Variants in FDFT1 observed in about 807,000 individuals in gnomAD.
FDFT1 encodes the protein squalene synthase.
Under a neutral mutation model 46.8 loss-of-function variants are expected in FDFT1, and 68 were observed. The observed-to-expected ratio is 1.45, with a 90% CI of 1.19 to 1.78. The LOEUF (loss-of-function observed/expected upper bound fraction) is 1.78. Among genes scored for constraint, FDFT1 ranks in the 40% most tolerant of loss-of-function variants. The probability of loss-of-function intolerance (pLI) is 0.00; values close to 1 mark genes in which losing one functional copy is unlikely to be tolerated. For missense variants in FDFT1, 928 were observed against 524.4 expected (o/e 1.77, Z -7.52); for synonymous variants, 351 against 185.1 (o/e 1.90, Z -7.28).
At chr8:11,825,958 A>T in intron 4 of FDFT1, 66 bp from the exon 5 acceptor site, 2 of 1,114,580 alleles carry the variant, frequency 1.8e-6, no homozygotes, top group East Asian at 5.2e-5. Context: ...GTAGCTAATG[A>T]TCTCTAGTGT....
intron 3 of FDFT1, among the ~76,000 whole-genome samples, chr8:11,819,082 T>G (rs773197713): frequency 3.9e-5 from 6 of 152,198 alleles, no homozygotes; most frequent in African/African-American, 7.2e-5. Context: ...TGCTTGTCTG[T>G]AAAGGATTTT....
chr8:11,799,400 CT>C (rs1297239663), upstream of FDFT1, among the ~76,000 whole-genome samples: 1 of 152,232 alleles, frequency 6.6e-6, no homozygotes, highest in Non-Finnish European at 1.5e-5. Flanking sequence ...AAGAAGAGCC[CT>C]GTGGCAGTTA....
upstream of FDFT1, among the ~76,000 whole-genome samples, chr8:11,799,641 G>A (rs565740944): frequency 6.6e-6 from 1 of 152,322 alleles, no homozygotes; most frequent in South Asian, 2.1e-4. Flanking sequence ...TTTTTCCCTG[G>A]TGCTGGAAAG....
At chr8:11,821,965 C>T in intron 4 of FDFT1, 87 bp downstream of exon 4, 1 of 1,496,278 alleles carries the variant, frequency 6.7e-7, no homozygotes, top group Non-Finnish European at 9.2e-7. Context: ...GAAAAGTTGT[C>T]CAGTATTTTC....
chr8:11,835,736 T>A (rs1276421991), intron 7 of FDFT1, among the ~76,000 whole-genome samples: 2 of 152,258 alleles, frequency 1.3e-5, no homozygotes, highest in East Asian at 1.9e-4. Flanking sequence ...AGCCACAGAA[T>A]TAACCCAGGA....
chr8:11,834,956 T>C (rs913704206), intron 7 of FDFT1, among the ~76,000 whole-genome samples: 2 of 152,156 alleles, frequency 1.3e-5, no homozygotes, highest in Non-Finnish European at 2.9e-5. Context: ...AAACCCTGTC[T>C]CTACTAAAAA....
chr8:11,811,347 C>G (rs1224906591), intron 3 of FDFT1, among the ~76,000 whole-genome samples: 2 of 152,194 alleles, frequency 1.3e-5, no homozygotes, highest in African/African-American at 2.4e-5. Flanking sequence ...ATTATTCTAG[C>G]TGGACCTAGC....
chr8:11,799,414 G>A (rs996928816), upstream of FDFT1, among the ~76,000 whole-genome samples: 1 of 152,232 alleles, frequency 6.6e-6, no homozygotes, highest in African/African-American at 2.4e-5. Context: ...GGCAGTTAGA[G>A]CTTAGTTGAT....
At chr8:11,808,244 G>T (rs1382107602) in intron 1 of FDFT1, 2 of 1,201,180 alleles carry the variant, frequency 1.7e-6, no homozygotes, top group Admixed American at 8.8e-5. Flanking sequence ...TTGGTCTAGG[G>T]AGACTCTGTC....
intron 5 of FDFT1, among the ~76,000 whole-genome samples, chr8:11,828,015 A>T (rs1810244195): frequency 1.3e-5 from 2 of 152,238 alleles, no homozygotes; most frequent in African/African-American, 2.4e-5. Flanking sequence ...CAGCCTGGCC[A>T]ACATGGCAAA....
chr8:11,821,716 C>T (rs1809272183), intron 3 of FDFT1, 34 bp from the exon 4 acceptor site: 5 of 1,609,468 alleles, frequency 3.1e-6, no homozygotes, highest in Non-Finnish European at 4.2e-6. Context: ...GTACATATTT[C>T]ATGATTTCTG....
intron 3 of FDFT1, among the ~76,000 whole-genome samples, chr8:11,817,791 C>G (rs1418352315): frequency 1.3e-5 from 2 of 150,422 alleles, no homozygotes; most frequent in African/African-American, 2.5e-5. Flanking sequence ...TTTTGTTGAT[C>G]TTTTCAAAAA....
intron 3 of FDFT1, among the ~76,000 whole-genome samples, chr8:11,811,936 A>G (rs1807771343): frequency 6.6e-6 from 1 of 152,152 alleles, no homozygotes; most frequent in Non-Finnish European, 1.5e-5. Context: ...TTAAGGAGTG[A>G]TTTGTGTATG....
chr8:11,830,286 C>A lies in FDFT1; in HGVS notation c.745C>A (p.Pro249Thr). The change falls in exon 6 of 8, where the codon CCG becomes ACG. Residue 249 changes from proline (P) to threonine (T), a missense_variant. Coordinates refer to ENST00000220584, the MANE Select transcript of FDFT1 (RefSeq NM_004462.5). ...YVKKLGDFAK[P>T]ENIDLAVQCL... ...TAAGAAGTTAGGGGATTTTGCTAAG[C>A]CGGAGAATATTGACTTGGCCGTGCA... 6.2e-7 allele frequency: 1 copy of A among 1,613,968 alleles called. No individual in the cohort carries two copies. The highest frequency in any genetic ancestry group is 8.5e-7 in the Non-Finnish European group (1 of 1,179,856).
intron 7 of FDFT1, among the ~76,000 whole-genome samples, chr8:11,835,388 C>T (rs1423036002): frequency 6.6e-6 from 1 of 152,164 alleles, no homozygotes; most frequent in Non-Finnish European, 1.5e-5. Context: ...CCAGTGACTG[C>T]AGCTCTTCCA....
intron 1 of FDFT1, chr8:11,796,130 G>A (rs1026965415): frequency 4.6e-5 from 7 of 152,050 alleles, no homozygotes; most frequent in Non-Finnish European, 7.3e-5. Flanking sequence ...TTTCTTAAAT[G>A]CCTCCTAAAT....
intron 3 of FDFT1, among the ~76,000 whole-genome samples, chr8:11,814,794 G>A (rs1046455234): frequency 6.7e-6 from 1 of 148,996 alleles, no homozygotes; most frequent in Non-Finnish European, 1.5e-5. Flanking sequence ...TATAAATTGG[G>A]TAACTAATGA....
At chr8:11,807,408 C>T (rs539277388) in intron 1 of FDFT1, among the ~76,000 whole-genome samples, 24 of 152,274 alleles carry the variant, frequency 1.6e-4, no homozygotes, top group Non-Finnish European at 1.9e-4. Flanking sequence ...AGTGATTCTC[C>T]CACCTTGGCC....
chr8:11,806,385 TC>T (rs1304558938), intron 1 of FDFT1, among the ~76,000 whole-genome samples: 2 of 152,150 alleles, frequency 1.3e-5, no homozygotes, highest in Non-Finnish European at 2.9e-5. Flanking sequence ...AGTTGTGTCT[TC>T]CTGTTTTGTT....
Sources: gnomAD v4.1 joint callset for allele counts (sites outside exome capture counted in the v4.1 genomes callset) on GRCh38, gnomAD v4.1.1 for gene constraint, MANE v1.5 for transcripts, NCBI Gene and HGNC (gene_info 2026-07-23, HGNC 2026-07-21) for gene names.